The following SYNRG variants were observed in gnomAD, a reference collection of about 807,000 sequenced individuals.
SYNRG encodes the protein synergin gamma.
SYNRG carries 37 observed loss-of-function variants against 130.9 expected under a neutral mutation model. The ratio of observed to expected loss-of-function variants is 0.28; its 90% CI spans 0.22 to 0.37. The LOEUF (loss-of-function observed/expected upper bound fraction) is 0.37, where lower values mean the gene tolerates loss of function less well. Ranked by LOEUF, SYNRG falls within the 10% of genes least tolerant of loss-of-function variation. The probability of loss-of-function intolerance (pLI) is 1.00; values close to 1 mark genes in which losing one functional copy is unlikely to be tolerated. For missense variants in SYNRG, 1,338 were observed against 1,588.9 expected, an observed-to-expected ratio of 0.84 and a Z score of 2.68; for synonymous variants, 539 against 568.1, an observed-to-expected ratio of 0.95 and a Z score of 0.73.
intron 8 of SYNRG, among the ~76,000 whole-genome samples, chr17:37,572,719 G>A (rs1250378590): frequency 6.6e-6 from 1 of 152,162 alleles, no homozygotes; most frequent in African/African-American, 2.4e-5. Context: ...ATTGGAGAAG[G>A]TGCTACGGAA....
Position 37,570,679 on chromosome 17 carries a change from G to T in SYNRG, c.1305C>A (p.Ala435=), listed in dbSNP as rs1280976770. The T allele has an allele frequency of 6.2e-7, 1 of 1,614,024 alleles. No individual in the cohort carries two copies. The highest frequency in any genetic ancestry group is 8.5e-7 in the Non-Finnish European group (1 of 1,180,036). The change falls in exon 10 of 22, where the codon GCC becomes GCA. Residue 435 remains alanine, a synonymous_variant. Coordinates refer to ENST00000612223, the MANE Select transcript of SYNRG (RefSeq NM_007247.6). The part of the protein sequence containing the change: ...NLVGPVGGAA[A]QASSGFIPTY... ...TTGGTATGAAACCACTAGAAGCCTG[G>T]GCTGCAGCTCCACCCACTGGTCCAA...
chr17:37,549,707 T>C (rs1053996843), intron 14 of SYNRG, among the ~76,000 whole-genome samples: 1 of 152,110 alleles, frequency 6.6e-6, no homozygotes, highest in African/African-American at 2.4e-5. Flanking sequence ...CCTCACACTT[T>C]AGCCTCCTGA....
chr17:37,525,744 G>C (rs2055778068), intron 19 of SYNRG, among the ~76,000 whole-genome samples: 1 of 151,562 alleles, frequency 6.6e-6, no homozygotes, highest in Non-Finnish European at 1.5e-5. Context: ...AAGGCGGGCG[G>C]ATCACGAGGT....
chr17:37,520,444 G>A (rs942635411), intron 20 of SYNRG, 94 bp downstream of exon 20: 2 of 1,287,674 alleles, frequency 1.6e-6, no homozygotes, highest in African/African-American at 1.5e-5. Context: ...CCCACCTCTG[G>A]TCACAAACTC....
chr17:37,559,390 C>A (rs1299135830), intron 13 of SYNRG, among the ~76,000 whole-genome samples: 1 of 152,012 alleles, frequency 6.6e-6, no homozygotes, highest in Non-Finnish European at 1.5e-5. Flanking sequence ...AAAAAAAAAT[C>A]TTGAAAAGAA....
At chr17:37,565,819 T>A (rs2059915253) in intron 11 of SYNRG, among the ~76,000 whole-genome samples, 1 of 149,592 alleles carries the variant, frequency 6.7e-6, no homozygotes, top group Non-Finnish European at 1.5e-5. Flanking sequence ...AGCCGCCCCA[T>A]CTGAGAAGTG....
chr17:37,571,781 CA>C lies in SYNRG; in HGVS notation c.1098+9del. ...AAGTTATTTGATCTAACTTAAGAAACATTGTTTACCTGTGTTACCGCTATCA... is the reference window on the plus strand; with the variant it reads ...AAGTTATTTGATCTAACTTAAGAAACTTGTTTACCTGTGTTACCGCTATCA... On this transcript the variant is annotated intron_variant, in intron 9 of 21. Coordinates refer to ENST00000612223, the MANE Select transcript of SYNRG (RefSeq NM_007247.6). 2 of 1,590,584 alleles carry C rather than the reference CA, an allele frequency of 1.3e-6. No individual in the cohort carries two copies. The highest frequency in any genetic ancestry group is 1.7e-6 in the Non-Finnish European group (2 of 1,170,312).
At chr17:37,603,686 G>A (rs2063495697) in intron 1 of SYNRG, among the ~76,000 whole-genome samples, 1 of 152,176 alleles carries the variant, frequency 6.6e-6, no homozygotes, top group Admixed American at 6.5e-5. Context: ...TCTCAACAAT[G>A]GGCTTAAAAT....
chr17:37,582,492 G>A (rs1461371742), intron 6 of SYNRG, among the ~76,000 whole-genome samples: 1 of 152,144 alleles, frequency 6.6e-6, no homozygotes, highest in East Asian at 1.9e-4. Flanking sequence ...GCTGGAATGT[G>A]TGACTTCTAC....
intron 1 of SYNRG, among the ~76,000 whole-genome samples, chr17:37,601,536 T>C (rs2063284109): frequency 6.6e-6 from 1 of 152,192 alleles, no homozygotes; most frequent in Non-Finnish European, 1.5e-5. Context: ...TTGTCAACCA[T>C]TACCACTATC....
At chr17:37,577,692 ATTCTT>A in intron 6 of SYNRG, 79 bp from the exon 7 acceptor site, 1 of 770,446 alleles carries the variant, frequency 1.3e-6, no homozygotes, top group Non-Finnish European at 1.9e-6. Context: ...CCACCCCCAT[ATTCTT>A]TTTTTTTTTT....
At chr17:37,534,083 C>T (rs941269439) in intron 19 of SYNRG, among the ~76,000 whole-genome samples, 8 of 150,678 alleles carry the variant, frequency 5.3e-5, no homozygotes, top group African/African-American at 1.5e-4. Flanking sequence ...TACAGGCACC[C>T]GCTACCATGG....
intron 11 of SYNRG, 77 bp from the exon 12 acceptor site, chr17:37,561,666 G>A: frequency 9.4e-7 from 1 of 1,066,250 alleles, no homozygotes. Flanking sequence ...GAATTAAAAT[G>A]GCAAACAGGT....
chr17:37,591,826 C>T (rs1025226570), intron 3 of SYNRG, among the ~76,000 whole-genome samples: 2 of 151,928 alleles, frequency 1.3e-5, no homozygotes, highest in African/African-American at 2.4e-5. Flanking sequence ...AAATGGATCA[C>T]GGACTTAAAT....
Position 37,596,327 on chromosome 17 carries a change from G to C in SYNRG, c.136C>G (p.Gln46Glu). The change falls in exon 3 of 22, where the codon CAG becomes GAG. Residue 46 changes from glutamine (Q) to glutamate (E), a missense_variant. By Grantham distance (29) the Gln-to-Glu change is conservative. Coordinates refer to ENST00000612223, the MANE Select transcript of SYNRG (RefSeq NM_007247.6). ...RPPQAGLMPMQQQGFPMVSVM... is the reference protein window; with the variant it reads ...RPPQAGLMPMEQQGFPMVSVM... ...GAGACCATAGGAAATCCTTGTTGCTGCATCGGCATCAGGCCTGCTGAAAAT... is the reference window on the plus strand; with the variant it reads ...GAGACCATAGGAAATCCTTGTTGCTCCATCGGCATCAGGCCTGCTGAAAAT... 1 of 1,614,042 alleles carries C rather than the reference G, an allele frequency of 6.2e-7. No individual in the cohort carries two copies. The highest frequency in any genetic ancestry group is 8.5e-7 in the Non-Finnish European group (1 of 1,179,958).
chr17:37,590,627 G>A (rs938154870), intron 3 of SYNRG, among the ~76,000 whole-genome samples: 2 of 152,016 alleles, frequency 1.3e-5, no homozygotes, highest in African/African-American at 4.8e-5. Context: ...AATAATACAA[G>A]TATAAAAATA....
intron 6 of SYNRG, chr17:37,579,531 A>T (rs1422388179): frequency 1.0e-6 from 1 of 960,614 alleles, no homozygotes; most frequent in Non-Finnish European, 1.4e-6. Context: ...ATATATTGAA[A>T]CATAAATAGT....
Position 37,577,535 on chromosome 17 carries a change from G to A in SYNRG, c.668C>T (p.Ser223Phe). The change falls in exon 7 of 22, where the codon TCT becomes TTT. Residue 223 changes from serine to phenylalanine, a missense_variant. Ser to Phe is a radical substitution (Grantham distance 155). Coordinates refer to ENST00000612223, the MANE Select transcript of SYNRG (RefSeq NM_007247.6). ...GCCTAGGGCTTTGTGGCCAACTTCA[G>A]AAGTATTTAATTTAATTTGTTCCTG... The part of the protein sequence containing the change: ...SGQEQIKLNT[S>F]EVGHKALGPG... The A allele has an allele frequency of 1.2e-6, 2 of 1,614,066 alleles. No homozygotes were observed. The highest frequency in any genetic ancestry group is 1.7e-6 in the Non-Finnish European group (2 of 1,180,018).
chr17:37,547,573 G>A (rs894489546), intron 14 of SYNRG, among the ~76,000 whole-genome samples: 9 of 150,930 alleles, frequency 6.0e-5, no homozygotes, highest in Non-Finnish European at 1.3e-4. Flanking sequence ...AGCAATTCTC[G>A]TGCCTCAGCC....
Sources: allele counts gnomAD v4.1 joint callset (sites outside exome capture counted in the v4.1 genomes callset), GRCh38; gene constraint gnomAD v4.1.1; transcripts MANE v1.5; gene names NCBI Gene and HGNC (gene_info 2026-07-23, HGNC 2026-07-21).